ITPR2: variants seen among roughly 807,000 people sequenced by gnomAD.
ITPR2 encodes the protein inositol 1,4,5-trisphosphate receptor type 2, also known as inositol 1,4,5-trisphosphate-gated calcium channel ITPR2.
ITPR2 carries 207 observed loss-of-function variants against 317.1 expected under a neutral mutation model. That is an observed-to-expected ratio of 0.65 (90% CI 0.58 to 0.73). The LOEUF (loss-of-function observed/expected upper bound fraction) is 0.73, where lower values mean the gene tolerates loss of function less well. Among genes scored for constraint, ITPR2 ranks in the 30% least tolerant of loss-of-function variants. The pLI is 0.00. For synonymous variants in ITPR2, 1,156 were observed against 1,149.1 expected (o/e 1.01, Z -0.12); for missense variants, 2,613 against 3,284.0 (o/e 0.80, Z 4.99).
chr12:26,474,334 T>C (rs1942360942), intron 45 of ITPR2, among the ~76,000 whole-genome samples: 1 of 152,336 alleles, frequency 6.6e-6, no homozygotes, highest in South Asian at 2.1e-4. Flanking sequence ...GGAGCTATCA[T>C]AGACAAAATC....
intron 26 of ITPR2, among the ~76,000 whole-genome samples, chr12:26,614,049 A>G (rs1318607455): frequency 6.6e-6 from 1 of 152,162 alleles, no homozygotes; most frequent in East Asian, 1.9e-4. Flanking sequence ...AATACAACCC[A>G]AAGACTTTGG....
chr12:26,611,535 G>C (rs1946266245), intron 26 of ITPR2, among the ~76,000 whole-genome samples: 1 of 152,062 alleles, frequency 6.6e-6, no homozygotes, highest in Non-Finnish European at 1.5e-5. Flanking sequence ...CCGTACTCCA[G>C]CTGGGTGACA....
chr12:26,707,784 C>T (rs1331887962), intron 9 of ITPR2, among the ~76,000 whole-genome samples: 1 of 152,122 alleles, frequency 6.6e-6, no homozygotes, highest in Non-Finnish European at 1.5e-5. Context: ...CCCGCCTCAG[C>T]CTCCTAAAGT....
At chr12:26,485,475 T>C (rs1480958034) in intron 41 of ITPR2, among the ~76,000 whole-genome samples, 1 of 152,180 alleles carries the variant, frequency 6.6e-6, no homozygotes, top group Non-Finnish European at 1.5e-5. Context: ...GGAAGCAATG[T>C]TTCTGGCCTT....
chr12:26,537,867 G>A (rs1021782231), intron 37 of ITPR2, among the ~76,000 whole-genome samples: 6 of 152,126 alleles, frequency 3.9e-5, no homozygotes, highest in African/African-American at 1.4e-4. Context: ...TTTGTTTTAA[G>A]CAACTAAGAT....
chr12:26,569,384 T>G (rs1370637447), intron 34 of ITPR2, among the ~76,000 whole-genome samples: 1 of 151,638 alleles, frequency 6.6e-6, no homozygotes, highest in Non-Finnish European at 1.5e-5. Context: ...TAAAAACTCT[T>G]TATACAAAAA....
At chr12:26,376,073 C>A (rs143499532) in intron 55 of ITPR2, among the ~76,000 whole-genome samples, 2 of 152,094 alleles carry the variant, frequency 1.3e-5, no homozygotes, top group Admixed American at 6.6e-5. Context: ...AGCAAAAGGG[C>A]GAGACCCGGT....
chr12:26,830,453 T>C (rs1592166789), intron 1 of ITPR2, among the ~76,000 whole-genome samples: 1 of 152,260 alleles, frequency 6.6e-6, no homozygotes, highest in East Asian at 1.9e-4. Flanking sequence ...AAGATTATTA[T>C]GTATAACCAA....
chr12:26,568,013 T>TATA (rs1555157813), intron 34 of ITPR2, among the ~76,000 whole-genome samples: 9 of 63,904 alleles, frequency 1.4e-4, no homozygotes, highest in African/African-American at 4.9e-4. Context: ...ATATTATATA[T>TATA]ATATATATAT....
chr12:26,340,473 G>A, intron 55 of ITPR2, 145 bp from the exon 56 acceptor site: 1 of 807,296 alleles, frequency 1.2e-6, no homozygotes, highest in Non-Finnish European at 1.8e-6. Flanking sequence ...AGGGGCTGAA[G>A]TAGGGCTTAG....
At chr12:26,778,317 A>G (rs758459969) in intron 2 of ITPR2, among the ~76,000 whole-genome samples, 2 of 152,216 alleles carry the variant, frequency 1.3e-5, no homozygotes, top group Non-Finnish European at 2.9e-5. Flanking sequence ...CACAGGGGTG[A>G]TGATTCACAT....
At chr12:26,430,184 C>T (rs1592016371) in intron 48 of ITPR2, among the ~76,000 whole-genome samples, 1 of 152,338 alleles carries the variant, frequency 6.6e-6, no homozygotes, top group East Asian at 1.9e-4. Context: ...TTATAATTAA[C>T]TTCTCTAAGA....
chr12:26,558,164 G>T (rs1245453809), intron 35 of ITPR2, among the ~76,000 whole-genome samples: 1 of 152,214 alleles, frequency 6.6e-6, no homozygotes, highest in African/African-American at 2.4e-5. Flanking sequence ...TTATATAAAA[G>T]TGGGGAGAGC....
chr12:26,474,450 A>G (rs1565546852), intron 45 of ITPR2, among the ~76,000 whole-genome samples: 1 of 152,252 alleles, frequency 6.6e-6, no homozygotes. Flanking sequence ...ATTTATGAAT[A>G]GTACTCATCA....
chr12:26,772,964 C>G (rs1949899452), intron 2 of ITPR2, among the ~76,000 whole-genome samples: 2 of 151,910 alleles, frequency 1.3e-5, no homozygotes, highest in Admixed American at 1.3e-4. Context: ...TCCATGTGTT[C>G]TCATTGTTCA....
chr12:26,467,926 C>CT (rs1470158744), intron 45 of ITPR2, among the ~76,000 whole-genome samples: 2 of 152,082 alleles, frequency 1.3e-5, no homozygotes, highest in African/African-American at 4.8e-5. Flanking sequence ...TCCCATTATA[C>CT]TTTTTCTTTG....
chr12:26,453,180 A>G (rs182700589), intron 45 of ITPR2, among the ~76,000 whole-genome samples: 30 of 152,302 alleles, frequency 2.0e-4, no homozygotes, highest in African/African-American at 7.2e-4. Flanking sequence ...TAAAGAATTC[A>G]TTACTTTAAC....
chr12:26,616,621 A>G (rs913225993), intron 26 of ITPR2, among the ~76,000 whole-genome samples: 1 of 152,188 alleles, frequency 6.6e-6, no homozygotes, highest in African/African-American at 2.4e-5. Context: ...TGTCAACATA[A>G]AACGATAGAG....
intron 2 of ITPR2, among the ~76,000 whole-genome samples, chr12:26,758,995 A>ATGGT (rs1949581632): frequency 3.3e-5 from 5 of 152,214 alleles, no homozygotes; most frequent in Admixed American, 3.3e-4. Flanking sequence ...TCTGGACATC[A>ATGGT]TGGTCCATTT....
Sources: gnomAD v4.1 joint callset for allele counts (sites outside exome capture counted in the v4.1 genomes callset) on GRCh38, gnomAD v4.1.1 for gene constraint, MANE v1.5 for transcripts, NCBI Gene and HGNC (gene_info 2026-07-23, HGNC 2026-07-21) for gene names.